PTPRD: variants seen among roughly 807,000 people sequenced by gnomAD.
PTPRD encodes the protein receptor-type tyrosine-protein phosphatase delta.
A neutral mutation model predicts 214.5 loss-of-function variants in PTPRD; 34 were observed. The observed-to-expected ratio is 0.16, with a 90% confidence interval of 0.12 to 0.21. The LOEUF (loss-of-function observed/expected upper bound fraction) is 0.21, where lower values mean the gene tolerates loss of function less well. Among genes scored for constraint, PTPRD ranks in the 10% least tolerant of loss-of-function variants. The pLI is 1.00. For missense variants in PTPRD, 2,545 were observed against 2,398.7 expected, an observed-to-expected ratio of 1.06 and a Z score of -1.27; for synonymous variants, 1,128 against 845.7, an observed-to-expected ratio of 1.33 and a Z score of -5.79.
chr9:9,381,215 A>G (rs561013213), intron 9 of PTPRD, among the ~76,000 whole-genome samples: 2 of 152,008 alleles, frequency 1.3e-5, no homozygotes, highest in Non-Finnish European at 2.9e-5. Context: ...TTTTAATACT[A>G]TTAAATTTGT....
intron 27 of PTPRD, 100 bp from the exon 28 acceptor site, chr9:8,486,449 T>C (rs1321985494): frequency 9.5e-7 from 1 of 1,056,566 alleles, no homozygotes; most frequent in East Asian, 2.4e-5. Flanking sequence ...TATTCCCATT[T>C]TCTTACTTAC....
Position 9,947,436 on chromosome 9 carries a change from T to TATACATATTATATATAA in PTPRD, c.-471-8827_-471-8826insTTATATATAATATGTAT, listed in dbSNP as rs2092810778. Among the ~76,000 whole-genome samples, 6 of 28,466 alleles carry TATACATATTATATATAA rather than the reference T, an allele frequency of 2.1e-4. 1 individual carries two copies. The highest frequency in any genetic ancestry group is 0.016 in the East Asian group (2 of 122). The allele number at this position is 28,466 out of a possible 152,430, so 18.7% of individuals were successfully genotyped here. On this transcript the variant is annotated intron_variant, in intron 4 of 45. Coordinates refer to ENST00000381196, the MANE Select transcript of PTPRD (RefSeq NM_002839.4). ...ATTTTATATATATATTATATATATA[T>TATACATATTATATATAA]TATATATTTTATATATTTTTATATA...
rs557051042 is a variant in PTPRD, at chr9:8,998,769, A to C, written c.-104+19928T>G. On this transcript the variant is annotated intron_variant, in intron 11 of 45. Transcript: ENST00000381196. Reference sequence around the variant, plus strand: ...TTCTGGAAAGTATTCACTAGTCTACATGCCATTAAGAACATTTGGGATTCA... The same window carrying C: ...TTCTGGAAAGTATTCACTAGTCTACCTGCCATTAAGAACATTTGGGATTCA... 3.2e-4 allele frequency among the ~76,000 whole-genome samples: 49 copies of C among 152,196 alleles called. 1 individual carries two copies. Among genetic ancestry groups the C allele is most frequent in the African/African-American group, 1.1e-3 (44 of 41,550 alleles).
chr9:10,280,392 G>A (rs1409513697), intron 3 of PTPRD, among the ~76,000 whole-genome samples: 3 of 144,850 alleles, frequency 2.1e-5, no homozygotes, highest in East Asian at 2.1e-4. Context: ...ACACACACAT[G>A]TGAGACATAT....
intron 7 of PTPRD, among the ~76,000 whole-genome samples, chr9:9,700,592 T>C (rs1403894332): frequency 1.3e-5 from 2 of 152,072 alleles, no homozygotes; most frequent in Non-Finnish European, 2.9e-5. Flanking sequence ...GTTACAGAAA[T>C]GATAAAGCAA....
intron 8 of PTPRD, among the ~76,000 whole-genome samples, chr9:9,400,343 G>A (rs148732234): frequency 2.3e-4 from 35 of 151,820 alleles, no homozygotes; most frequent in African/African-American, 8.2e-4. Flanking sequence ...ATATAAAGCA[G>A]GGAATATTTA....
intron 7 of PTPRD, among the ~76,000 whole-genome samples, chr9:9,725,910 G>GT (rs910929278): frequency 1.3e-5 from 2 of 152,044 alleles, no homozygotes; most frequent in African/African-American, 4.8e-5. Context: ...TTTCCCAGCA[G>GT]TACGCATTGT....
intron 7 of PTPRD, among the ~76,000 whole-genome samples, chr9:9,640,444 C>T (rs1411323704): frequency 6.6e-6 from 1 of 152,188 alleles, no homozygotes; most frequent in Non-Finnish European, 1.5e-5. Context: ...TCTCTATATT[C>T]TGCCCTGCCA....
At chr9:8,437,795 T>G (rs992265338) in intron 34 of PTPRD, among the ~76,000 whole-genome samples, 1 of 152,148 alleles carries the variant, frequency 6.6e-6, no homozygotes, top group African/African-American at 2.4e-5. Flanking sequence ...GGTGACACAT[T>G]CTAGTTCATT....
At chr9:9,638,083 A>G (rs915672148) in intron 7 of PTPRD, among the ~76,000 whole-genome samples, 1 of 152,192 alleles carries the variant, frequency 6.6e-6, no homozygotes, top group African/African-American at 2.4e-5. Flanking sequence ...TTGTCTTGAT[A>G]AATAATATCA....
At chr9:8,725,163 AT>A (rs1229909301) in intron 12 of PTPRD, among the ~76,000 whole-genome samples, 1 of 152,200 alleles carries the variant, frequency 6.6e-6, no homozygotes, top group Non-Finnish European at 1.5e-5. Context: ...TTATTTCAAA[AT>A]AGAAAAAATA....
chr9:9,299,039 G>T (rs187761319), intron 9 of PTPRD, among the ~76,000 whole-genome samples: 2 of 151,676 alleles, frequency 1.3e-5, no homozygotes, highest in East Asian at 3.9e-4. Flanking sequence ...ATCATTTCAG[G>T]TTCTACTATA....
intron 7 of PTPRD, among the ~76,000 whole-genome samples, chr9:9,579,993 G>A (rs1035436615): frequency 1.3e-5 from 2 of 152,014 alleles, no homozygotes; most frequent in African/African-American, 2.4e-5. Flanking sequence ...TTAAGATGAT[G>A]ACCTCCAGTT....
At chr9:8,543,152 T>C (rs1212441784) in intron 14 of PTPRD, among the ~76,000 whole-genome samples, 1 of 152,188 alleles carries the variant, frequency 6.6e-6, no homozygotes, top group Non-Finnish European at 1.5e-5. Flanking sequence ...GATAAGATGA[T>C]ACTCAGAAGC....
At chr9:10,157,522 C>T (rs1384502862) in intron 3 of PTPRD, among the ~76,000 whole-genome samples, 1 of 152,140 alleles carries the variant, frequency 6.6e-6, no homozygotes, top group Non-Finnish European at 1.5e-5. Flanking sequence ...ACGGGCTTCC[C>T]TTTGTAGGTA....
intron 10 of PTPRD, among the ~76,000 whole-genome samples, chr9:9,035,781 C>G (rs1026121491): frequency 4.0e-5 from 6 of 151,676 alleles, no homozygotes; most frequent in Admixed American, 1.3e-4. Flanking sequence ...TGTGCACTTT[C>G]TTAGTGGAGT....
At position 9,251,715 on chromosome 9, in the gene PTPRD, C is replaced by T. The variant is rs534054036; in HGVS notation, c.-202-68352G>A. ...CTTCATTTGTGTCCTGGATAAATAG[C>T]ATAATGGGGTACTTTGTACATTTGA... On this transcript the variant is annotated intron_variant, in intron 9 of 45. Transcript: ENST00000381196. Among the ~76,000 whole-genome samples the T allele has an allele frequency of 1.1e-4, 16 of 152,020 alleles. No individual in the cohort carries two copies. In the South Asian group the frequency reaches 2.1e-3, roughly 20 times the overall value.
intron 3 of PTPRD, among the ~76,000 whole-genome samples, chr9:10,120,089 T>G (rs1052149137): frequency 6.6e-6 from 1 of 152,020 alleles, no homozygotes; most frequent in Non-Finnish European, 1.5e-5. Context: ...CTAGTGATGT[T>G]TGTATGCTGC....
At chr9:9,337,025 C>G (rs1221585085) in intron 9 of PTPRD, among the ~76,000 whole-genome samples, 1 of 152,006 alleles carries the variant, frequency 6.6e-6, no homozygotes, top group African/African-American at 2.4e-5. Flanking sequence ...TTTTTAAAAG[C>G]AAAATACATT....
Sources: gnomAD v4.1 joint callset for allele counts (sites outside exome capture counted in the v4.1 genomes callset) on GRCh38, gnomAD v4.1.1 for gene constraint, MANE v1.5 for transcripts, NCBI Gene and HGNC (gene_info 2026-07-23, HGNC 2026-07-21) for gene names.